The following AANAT variants were observed in gnomAD, a reference collection of about 807,000 sequenced individuals.
AANAT encodes the protein aralkylamine N-acetyltransferase.
Under a neutral mutation model 15.6 loss-of-function variants are expected in AANAT, and 11 were observed. That is an observed-to-expected ratio of 0.71 (90% CI 0.44 to 1.17). The LOEUF (loss-of-function observed/expected upper bound fraction) is 1.17, where lower values mean the gene tolerates loss of function less well. Among genes scored for constraint, AANAT ranks in the 50% most tolerant of loss-of-function variants. The pLI is 0.00. For missense variants in AANAT, 286 were observed against 296.3 expected, an observed-to-expected ratio of 0.97 and a Z score of 0.26; for synonymous variants, 139 against 131.5, an observed-to-expected ratio of 1.06 and a Z score of -0.39.
chr17:76,454,205 G>T (rs550504483), intron 1 of AANAT, among the ~76,000 whole-genome samples: 94 of 152,240 alleles, frequency 6.2e-4, no homozygotes, highest in African/African-American at 2.1e-3. Flanking sequence ...GGCCGGGCGC[G>T]GCAGCTCACA....
chr17:76,457,541 C>T (rs1373303871), intron 1 of AANAT, among the ~76,000 whole-genome samples: 1 of 152,160 alleles, frequency 6.6e-6, no homozygotes, highest in Non-Finnish European at 1.5e-5. Flanking sequence ...ACTTATTGAG[C>T]TGTAACTTCA....
At chr17:76,462,591 C>G (rs7210907) in intron 3 of AANAT, 37,868 of 152,194 alleles carry the variant, frequency 0.25, 4,822 homozygotes, top group South Asian at 0.36. Context: ...CTCTGCCCTG[C>G]TCCATGGTAG....
chr17:76,466,281 G>T, upstream of AANAT: 1 of 1,469,600 alleles, frequency 6.8e-7, no homozygotes, highest in Non-Finnish European at 9.1e-7. Flanking sequence ...CACCAACCAA[G>T]CCCAAGGAGG....
At chr17:76,459,639 C>T (rs184883278) in intron 2 of AANAT, among the ~76,000 whole-genome samples, 106 of 152,350 alleles carry the variant, frequency 7.0e-4, no homozygotes, top group Admixed American at 2.4e-3. Flanking sequence ...TCCGGAGTCA[C>T]AGGGACCTGG....
At chr17:76,459,884 C>T (rs762405725) in intron 2 of AANAT, among the ~76,000 whole-genome samples, 7 of 152,216 alleles carry the variant, frequency 4.6e-5, no homozygotes, top group African/African-American at 4.8e-5. Context: ...GCCTAGACCT[C>T]GGCTGTAGGC....
chr17:76,453,892 T>C (rs1315287747), intron 1 of AANAT: 1 of 152,222 alleles, frequency 6.6e-6, no homozygotes, highest in African/African-American at 2.4e-5. Context: ...GTAAGGTAGC[T>C]AAGAGTGGGG....
At chr17:76,464,785 G>A (rs923938285), upstream of AANAT, among the ~76,000 whole-genome samples, 6 of 139,936 alleles carry the variant, frequency 4.3e-5, no homozygotes, top group Admixed American at 4.7e-4. Context: ...GCTTCTCCCT[G>A]TCTGTATCTA....
upstream of AANAT, among the ~76,000 whole-genome samples, chr17:76,465,641 G>A (rs755180862): frequency 1.3e-5 from 2 of 151,662 alleles, no homozygotes; most frequent in Non-Finnish European, 2.9e-5. Context: ...CCAGCCCCAG[G>A]GATCTCCTTC....
In AANAT at chr17:76,469,137, C is replaced by A. The variant is rs201434563; in HGVS notation, c.164-36C>A. ...AGCAGACAGTGGACGCGAGGCACAG[C>A]GACTACCAGTCACCCACCTGAGCCT... is the stretch of plus-strand genomic sequence containing the variant. On this transcript the variant is annotated intron_variant, in intron 2 of 3. Transcript: ENST00000392492. This position sits in a 1 kb window ranked among gnomAD's most constrained non-coding sequence, Gnocchi z 5.2. 19 of 1,611,638 alleles carry A rather than the reference C, an allele frequency of 1.2e-5. No individual in the cohort carries two copies. The highest frequency in any genetic ancestry group is 3.3e-5 in the Admixed American group (2 of 59,900).
upstream of AANAT, chr17:76,466,023 C>T: frequency 1.5e-6 from 1 of 684,090 alleles, no homozygotes; most frequent in Admixed American, 2.2e-5. Context: ...CTTACTGCCT[C>T]ATCTTGTTCC....
At chr17:76,456,763 A>T (rs909038985) in intron 1 of AANAT, among the ~76,000 whole-genome samples, 1 of 152,180 alleles carries the variant, frequency 6.6e-6, no homozygotes, top group Non-Finnish European at 1.5e-5. Context: ...CATATTATTG[A>T]CCAGGCATTG....
At chr17:76,459,032 C>G (rs1265442552) in intron 1 of AANAT, among the ~76,000 whole-genome samples, 1 of 152,192 alleles carries the variant, frequency 6.6e-6, no homozygotes, top group African/African-American at 2.4e-5. Flanking sequence ...TGCACAGGTG[C>G]CCTGGGAAAA....
intron 1 of AANAT, among the ~76,000 whole-genome samples, chr17:76,455,632 G>GGATT (rs5822137): frequency 0.57 from 86,371 of 151,674 alleles, 25,980 homozygotes; most frequent in South Asian, 0.68. Context: ...CTAGTAAGTT[G>GGATT]GATATTACAG....
intron 2 of AANAT, among the ~76,000 whole-genome samples, chr17:76,461,666 A>ATCAG (rs922311538): frequency 5.3e-5 from 8 of 150,534 alleles, no homozygotes; most frequent in African/African-American, 2.0e-4. Context: ...CAATCAATCA[A>ATCAG]TCAGTCAGTG....
intron 1 of AANAT, among the ~76,000 whole-genome samples, chr17:76,459,060 G>C (rs1187101133): frequency 1.3e-5 from 2 of 152,222 alleles, no homozygotes; most frequent in Non-Finnish European, 2.9e-5. Context: ...ACTTGCCCAA[G>C]GTCACTCTGC....
chr17:76,465,984 G>A (rs1276258515), upstream of AANAT: 6 of 599,872 alleles, frequency 1.0e-5, no homozygotes, highest in African/African-American at 1.1e-4. Flanking sequence ...CAAAGTGCTG[G>A]GATTACAGCG....
At chr17:76,468,162 TC>T (rs2073459909) in intron 1 of AANAT, among the ~76,000 whole-genome samples, 1 of 152,196 alleles carries the variant, frequency 6.6e-6, no homozygotes, top group Admixed American at 6.5e-5. Context: ...TAAAAAGCTC[TC>T]TGCCACAGGA....
At chr17:76,466,315 T>A, upstream of AANAT, 2 of 1,151,962 alleles carry the variant, frequency 1.7e-6, no homozygotes, top group Non-Finnish European at 2.4e-6. Flanking sequence ...CTGAGAGGTC[T>A]GTTGAGGGTC....
At chr17:76,460,580 C>T (rs1423693120) in intron 2 of AANAT, among the ~76,000 whole-genome samples, 2 of 152,310 alleles carry the variant, frequency 1.3e-5, no homozygotes, top group Non-Finnish European at 2.9e-5. Context: ...GGATTATAGG[C>T]ATGAGCCACC....
Sources: allele counts gnomAD v4.1 joint callset (sites outside exome capture counted in the v4.1 genomes callset), GRCh38; gene constraint gnomAD v4.1.1; non-coding constraint Gnocchi (gnomAD v3.1); transcripts MANE v1.5; gene names NCBI Gene and HGNC (gene_info 2026-07-23, HGNC 2026-07-21).